PRKN: variants seen among roughly 807,000 people sequenced by gnomAD.
PRKN encodes the protein E3 ubiquitin-protein ligase parkin.
A neutral mutation model predicts 59.5 loss-of-function variants in PRKN; 56 were observed. The ratio of observed to expected loss-of-function variants is 0.94; its 90% CI spans 0.76 to 1.18. The LOEUF (loss-of-function observed/expected upper bound fraction) is 1.18, where lower values mean the gene tolerates loss of function less well. PRKN is among the 50% of genes most tolerant of loss of function. The pLI, the probability that PRKN is intolerant of heterozygous loss-of-function variation, is 0.00. For missense variants in PRKN, 657 were observed against 596.4 expected, an observed-to-expected ratio of 1.10 and a Z score of -1.06; for synonymous variants, 250 against 222.1, an observed-to-expected ratio of 1.13 and a Z score of -1.12.
intron 7 of PRKN, among the ~76,000 whole-genome samples, chr6:161,587,302 G>A (rs528219498): frequency 1.9e-4 from 29 of 152,144 alleles, no homozygotes; most frequent in Admixed American, 3.3e-4. Flanking sequence ...TTAGCAGCTT[G>A]TGTTTAAAAG....
At chr6:161,806,251 C>T (rs1025795495) in intron 6 of PRKN, among the ~76,000 whole-genome samples, 2 of 152,176 alleles carry the variant, frequency 1.3e-5, no homozygotes, top group Non-Finnish European at 2.9e-5. Flanking sequence ...TGCCCATCTG[C>T]AGCAGAGGGT....
At chr6:161,780,983 G>A (rs566970460) in intron 7 of PRKN, among the ~76,000 whole-genome samples, 6 of 152,234 alleles carry the variant, frequency 3.9e-5, no homozygotes, top group Admixed American at 6.5e-5. Context: ...GTGACAAACC[G>A]AACTATATTT....
intron 4 of PRKN, among the ~76,000 whole-genome samples, chr6:162,093,123 A>G (rs938566819): frequency 1.3e-5 from 2 of 152,210 alleles, no homozygotes; most frequent in Non-Finnish European, 2.9e-5. Flanking sequence ...AGGCCTACAG[A>G]TAGGGCTATC....
intron 4 of PRKN, among the ~76,000 whole-genome samples, chr6:162,149,470 C>T (rs1488114166): frequency 6.6e-6 from 1 of 152,120 alleles, no homozygotes; most frequent in Non-Finnish European, 1.5e-5. Flanking sequence ...TCTCAAATTC[C>T]TGACCTCAAA....
chr6:162,669,779 C>G (rs943194125), intron 1 of PRKN, among the ~76,000 whole-genome samples: 1 of 152,126 alleles, frequency 6.6e-6, no homozygotes, highest in Admixed American at 6.6e-5. Context: ...CCTAAATATT[C>G]CAAGGACTGG....
chr6:161,549,240 T>C lies in PRKN; in HGVS notation c.934-237A>G, dbSNP rs1437960299. Among the ~76,000 whole-genome samples, 5 of 152,164 alleles carry C rather than the reference T, an allele frequency of 3.3e-5. No homozygotes were observed. The South Asian group carries it at 1.0e-3, about 32-fold the overall frequency. On this transcript the variant is annotated intron_variant, in intron 8 of 11. Transcript: ENST00000366898. This position sits in a 1 kb window ranked among gnomAD's most constrained non-coding sequence, Gnocchi z 6.0. ...TCAACTGGCAAGACATATAAGTGTG[T>C]TTACTTTTTGCTTTTTTGTCTTCAG...
rs889446769 is a variant in PRKN, at chr6:161,409,108, G to A, written c.1084-22231C>T. On this transcript the variant is annotated intron_variant, in intron 9 of 11. Coordinates refer to ENST00000366898, the MANE Select transcript of PRKN (RefSeq NM_004562.3). The surrounding 1 kb of genome is among the most constrained non-coding windows in gnomAD (Gnocchi z 4.6). ...CTACAGGCTCCCATCACCATGCCCA[G>A]CTAATTTTTGTACTTTTAGTAGAGA... Among the ~76,000 whole-genome samples, 1 of 152,012 alleles carries A rather than the reference G, an allele frequency of 6.6e-6. No individual in the cohort carries two copies.
chr6:161,441,001 T>A (rs1042988504), intron 9 of PRKN, among the ~76,000 whole-genome samples: 9 of 152,120 alleles, frequency 5.9e-5, no homozygotes, highest in African/African-American at 2.2e-4. Flanking sequence ...GAGAGAGGAT[T>A]TTCCTAACAA....
chr6:161,580,699 A>G (rs1483211220), intron 7 of PRKN, among the ~76,000 whole-genome samples: 1 of 151,834 alleles, frequency 6.6e-6, no homozygotes, highest in East Asian at 2.0e-4. Flanking sequence ...AGGATGGTCT[A>G]AATTTCTTGA....
At chr6:162,283,517 A>C (rs2128107015) in intron 2 of PRKN, among the ~76,000 whole-genome samples, 1 of 152,312 alleles carries the variant, frequency 6.6e-6, no homozygotes, top group African/African-American at 2.4e-5. Flanking sequence ...GAAAAAGTAG[A>C]GAAGCATAGA....
chr6:162,372,458 A>G (rs1399589190), intron 2 of PRKN, among the ~76,000 whole-genome samples: 1 of 152,200 alleles, frequency 6.6e-6, no homozygotes, highest in Non-Finnish European at 1.5e-5. Flanking sequence ...AGATGGTATT[A>G]GCATCTCCAT....
At chr6:162,579,759 C>T (rs955361233) in intron 1 of PRKN, among the ~76,000 whole-genome samples, 1 of 149,566 alleles carries the variant, frequency 6.7e-6, no homozygotes. Context: ...CACACATTTA[C>T]AAACATATAA....
chr6:162,347,982 C>T (rs758972052), intron 2 of PRKN, among the ~76,000 whole-genome samples: 3 of 152,156 alleles, frequency 2.0e-5, no homozygotes, highest in African/African-American at 7.2e-5. Flanking sequence ...TTGAGGGAGA[C>T]GATGGCCTCC....
At chr6:162,461,702 C>A (rs936410765) in intron 1 of PRKN, among the ~76,000 whole-genome samples, 2 of 150,190 alleles carry the variant, frequency 1.3e-5, no homozygotes, top group Non-Finnish European at 3.0e-5. Context: ...GTTCCTGTAA[C>A]CCCAGCTACT....
At chr6:162,280,632 A>G (rs1780849095) in intron 2 of PRKN, among the ~76,000 whole-genome samples, 1 of 151,996 alleles carries the variant, frequency 6.6e-6, no homozygotes, top group African/African-American at 2.4e-5. Context: ...CTCTACTAAA[A>G]ATACAAAAAT....
At chr6:161,590,915 A>G (rs1425110585) in intron 7 of PRKN, among the ~76,000 whole-genome samples, 1 of 152,196 alleles carries the variant, frequency 6.6e-6, no homozygotes, top group Non-Finnish European at 1.5e-5. Context: ...AACTGGATGC[A>G]ACATGTGAGC....
intron 9 of PRKN, among the ~76,000 whole-genome samples, chr6:161,450,772 G>A (rs1035266158): frequency 3.9e-5 from 6 of 152,106 alleles, no homozygotes; most frequent in African/African-American, 1.4e-4. Flanking sequence ...AGCCAGGATG[G>A]TCTCGACCTC....
intron 7 of PRKN, among the ~76,000 whole-genome samples, chr6:161,709,737 C>T (rs1423977800): frequency 1.3e-5 from 2 of 151,952 alleles, no homozygotes; most frequent in East Asian, 1.9e-4. Context: ...ATCTCAAATC[C>T]CAAATAACCT....
At chr6:162,222,881 AG>A (rs776251419) in intron 3 of PRKN, among the ~76,000 whole-genome samples, 25 of 151,934 alleles carry the variant, frequency 1.6e-4, no homozygotes, top group Non-Finnish European at 2.2e-4. Flanking sequence ...TTTAAGTTTT[AG>A]GGTACATGTG....
Sources: gnomAD v4.1 joint callset for allele counts (sites outside exome capture counted in the v4.1 genomes callset) on GRCh38, gnomAD v4.1.1 for gene constraint, Gnocchi (gnomAD v3.1) non-coding constraint, MANE v1.5 for transcripts, NCBI Gene and HGNC (gene_info 2026-07-23, HGNC 2026-07-21) for gene names.